The following KMT2A variants were observed in gnomAD, a reference collection of about 807,000 sequenced individuals.
KMT2A encodes the protein lysine methyltransferase 2A, also known as histone-lysine N-methyltransferase 2A.
A neutral mutation model predicts 345.3 loss-of-function variants in KMT2A; 16 were observed. That is an observed-to-expected ratio of 0.05 (90% CI 0.03 to 0.07). The LOEUF is 0.07. KMT2A is among the 10% of genes least tolerant of loss of function. The pLI is 1.00. For synonymous variants in KMT2A, 1,599 were observed against 1,778.6 expected (o/e 0.90, Z 2.54); for missense variants, 3,272 against 4,841.6 (o/e 0.68, Z 9.62).
At chr11:118,481,259 A>C (rs1950126306) in intron 6 of KMT2A, among the ~76,000 whole-genome samples, 1 of 151,920 alleles carries the variant, frequency 6.6e-6, no homozygotes, top group African/African-American at 2.4e-5. Flanking sequence ...TACCCTTCCC[A>C]GCCTCTCATA....
At position 118,506,179 on chromosome 11, in the gene KMT2A, C is replaced by G. The variant is rs2134411443; in HGVS notation, c.10287C>G (p.Ile3429Met). ...STAAITAASS[I>M]CVLPSTQTTG... is the part of the protein sequence containing the mutation. ...CTGCAATAACAGCGGCATCTAGCATCTGTGTGCTCCCCTCCACTCAGACTA... is the reference window on the plus strand; with the variant it reads ...CTGCAATAACAGCGGCATCTAGCATGTGTGTGCTCCCCTCCACTCAGACTA... Residue 3429 changes from isoleucine (I) to methionine (M), a missense_variant, in exon 27 of 36, where the codon ATC (isoleucine) becomes ATG (methionine). Ile to Met is a conservative substitution (Grantham distance 10, BLOSUM62 1). Transcript: ENST00000534358. 1.2e-6 allele frequency: 2 copies of G among 1,614,214 alleles called. No individual in the cohort carries two copies. Among genetic ancestry groups the G allele is most frequent in the Non-Finnish European group, 1.7e-6 (2 of 1,180,032 alleles).
At chr11:118,450,167 G>A (rs1169059818) in intron 1 of KMT2A, 4 of 151,556 alleles carry the variant, frequency 2.6e-5, no homozygotes, top group Non-Finnish European at 4.4e-5. Context: ...AACCAGTTCA[G>A]ACTTGGAACC....
At position 118,499,399 on chromosome 11, in the gene KMT2A, G is replaced by A. The variant is rs1167143563; in HGVS notation, c.6058G>A (p.Glu2020Lys). The stretch of plus-strand genomic sequence containing the variant: ...GAAGTTTCTCAATGGCTTGGAACCA[G>A]AAAATATCCACATGATGATTGGTAT... ...RRKFLNGLEP[E>K]NIHMMIGSMT... Residue 2020 changes from glutamate to lysine, a missense_variant, in exon 23 of 36, where the codon GAA becomes AAA. By Grantham distance (56) the Glu-to-Lys change is moderately conservative (BLOSUM62 1). Transcript: ENST00000534358. 1.3e-6 allele frequency: 2 copies of A among 1,597,440 alleles called. No homozygotes were observed. Among genetic ancestry groups the A allele is most frequent in the African/African-American group, 2.9e-5 (2 of 69,508 alleles).
rs1488110347 is a variant in KMT2A at position 118,520,681 on chromosome 11, G to A, written c.11430-121G>A. On this transcript the variant is annotated intron_variant, in intron 33 of 35. Transcript: ENST00000534358. This position sits in a 1 kb window ranked among gnomAD's most constrained non-coding sequence, Gnocchi z 4.3. ...AAAAAGGGGGGCGCTCATTTTATAA[G>A]GCACTCGTTCAGTTTGGCATTAAAC... 7 of 696,954 alleles carry A rather than the reference G, an allele frequency of 1.0e-5. No individual in the cohort carries two copies. Among genetic ancestry groups the A allele is most frequent in the Non-Finnish European group, 1.7e-5 (7 of 401,794 alleles). 43.2% of individuals were successfully genotyped at this position (696,954 alleles called of 1,614,324 possible).
chr11:118,501,175 A>G (rs1206571785), intron 25 of KMT2A, 28 bp downstream of exon 25: 1 of 1,606,726 alleles, frequency 6.2e-7, no homozygotes, highest in East Asian at 2.2e-5. Context: ...ATGGGACTTG[A>G]GGCTGGGCAC....
chr11:118,512,285 A>G, intron 31 of KMT2A: 3 of 492,294 alleles, frequency 6.1e-6, no homozygotes, highest in Non-Finnish European at 1.1e-5. Flanking sequence ...CCCCCTATTC[A>G]TTAGCAGTCA....
intron 1 of KMT2A, among the ~76,000 whole-genome samples, chr11:118,451,640 C>T (rs1304044547): frequency 1.3e-5 from 2 of 150,688 alleles, no homozygotes; most frequent in African/African-American, 2.4e-5. Context: ...CCACCCACCT[C>T]GGCCTCCCAA....
At position 118,522,736 on chromosome 11, in the gene KMT2A, G is replaced by C; in HGVS notation, c.*564G>C. 1 of 213,614 alleles carries C rather than the reference G, an allele frequency of 4.7e-6. No individual in the cohort carries two copies. The highest frequency in any genetic ancestry group is 9.5e-6 in the Non-Finnish European group (1 of 105,380). The allele number at this position is 213,614 out of a possible 1,614,324, so 13.2% of individuals were successfully genotyped here. On this transcript the variant is annotated 3_prime_UTR_variant, in exon 36 of 36. Coordinates refer to ENST00000534358, the MANE Select transcript of KMT2A (RefSeq NM_001197104.2). The surrounding 1 kb of genome is among the most constrained non-coding windows in gnomAD (Gnocchi z 5.4). ...GGGAGACAGGATTCCTAGCACCTCC[G>C]GTGTCAAAAGGCTGTCATGGGGTTG... is the stretch of plus-strand genomic sequence containing the variant.
Position 118,522,444 on chromosome 11 carries a change from T to A in KMT2A, c.*272T>A, listed in dbSNP as rs1950991640. Reference sequence around the variant, plus strand: ...TGTTAGAAAGTGGGAATGGGGTCCCTAGCAGACTTGCCTGGAAGGAGCCTA... The same window carrying A: ...TGTTAGAAAGTGGGAATGGGGTCCCAAGCAGACTTGCCTGGAAGGAGCCTA... On this transcript the variant is annotated 3_prime_UTR_variant, in exon 36 of 36. Transcript: ENST00000534358. The surrounding 1 kb of genome is among the most constrained non-coding windows in gnomAD (Gnocchi z 5.4). 2 of 427,920 alleles carry A rather than the reference T, an allele frequency of 4.7e-6. No individual in the cohort carries two copies. Among genetic ancestry groups the A allele is most frequent in the South Asian group, 6.5e-5 (2 of 30,632 alleles). The allele number at this position is 427,920 out of a possible 1,614,324, so 26.5% of individuals were successfully genotyped here. A position where few individuals can be genotyped will look rare whatever the true frequency, so the allele number is the denominator to read the frequency against.
At chr11:118,455,002 C>A (rs76661490) in intron 1 of KMT2A, among the ~76,000 whole-genome samples, 8 of 152,204 alleles carry the variant, frequency 5.3e-5, no homozygotes, top group Admixed American at 4.6e-4. Context: ...CTCCACCCCC[C>A]ACTCCTGTCA....
chr11:118,474,154 G>T lies in KMT2A; in HGVS notation c.2995G>T (p.Val999Phe). Residue 999 changes from valine (V) to phenylalanine (F), a missense_variant, in exon 3 of 36, where the codon GTT (valine) becomes TTT (phenylalanine). Physicochemically the swap from Val to Phe is conservative, Grantham distance 50 (BLOSUM62 -1). Transcript: ENST00000534358. ...CCTTTCCACTCCTTCATCTAGCACT[G>T]TTAAACATTCCACTTCCTCCATAGG... ...LCLSTPSSST[V>F]KHSTSSIGSM... is the part of the protein sequence containing the mutation. 1 of 1,614,178 alleles carries T rather than the reference G, an allele frequency of 6.2e-7. No homozygotes were observed. Among genetic ancestry groups the T allele is most frequent in the East Asian group, 2.2e-5 (1 of 44,884 alleles).
Position 118,498,621 on chromosome 11 carries a change from T to C in KMT2A, c.5961+93T>C. On this transcript the variant is annotated intron_variant, in intron 22 of 35. Coordinates refer to ENST00000534358, the MANE Select transcript of KMT2A (RefSeq NM_001197104.2). This position sits in a 1 kb window ranked among gnomAD's most constrained non-coding sequence, Gnocchi z 4.4. ...CAAAATTGACTGGAAGGTACAGAGA[T>C]TTCCCATATGCCCCCTGCACCCACA... 7.8e-7 allele frequency: 1 copy of C among 1,275,974 alleles called. No individual in the cohort carries two copies. The highest frequency in any genetic ancestry group is 1.1e-6 in the Non-Finnish European group (1 of 933,166). The allele number at this position is 1,275,974 out of a possible 1,614,324, so 79.0% of individuals were successfully genotyped here. A position where few individuals can be genotyped will look rare whatever the true frequency, so the allele number is the denominator to read the frequency against.
At position 118,472,841 on chromosome 11, in the gene KMT2A, C is replaced by T. The variant is rs1555036131; in HGVS notation, c.1682C>T (p.Pro561Leu). ...CCCCAGCAGCAGACCTCCTCGTCTC[C>T]ACCTCCACCTCTGCTGACTCCACCG... ...SAPQQQTSSSPPPPLLTPPPP... is the reference protein window; with the variant it reads ...SAPQQQTSSSLPPPLLTPPPP... Residue 561 changes from proline (P) to leucine (L), a missense_variant, in exon 3 of 36, where the codon CCA (proline) becomes CTA (leucine). Physicochemically the swap from Pro to Leu is moderately conservative, Grantham distance 98 (BLOSUM62 -3). This residue lies in a region of KMT2A where 180 missense variants were observed against 190.7 expected (regional missense o/e 0.94). Coordinates refer to ENST00000534358, the MANE Select transcript of KMT2A (RefSeq NM_001197104.2). 12 of 1,613,746 alleles carry T rather than the reference C, an allele frequency of 7.4e-6. No homozygotes were observed. The Admixed American group carries it at 2.0e-4, about 27-fold the overall frequency.
In KMT2A at chr11:118,496,546, CACTT is replaced by C. The variant is rs1555044019; in HGVS notation, c.5664+181_5664+184del. On this transcript the variant is annotated intron_variant, in intron 20 of 35. Coordinates refer to ENST00000534358, the MANE Select transcript of KMT2A (RefSeq NM_001197104.2). This position sits in a 1 kb window ranked among gnomAD's most constrained non-coding sequence, Gnocchi z 4.7. ...TATTAATTTGTAACTTATTTTTTGT[CACTT>C]AGTTCATGGCACTTGGAGTTTTTTA... 2.6e-5 allele frequency among the ~76,000 whole-genome samples: 4 copies of C among 152,004 alleles called. No individual in the cohort carries two copies. The highest frequency in any genetic ancestry group is 2.9e-5 in the Non-Finnish European group (2 of 68,006).
At chr11:118,511,664 G>A (rs1950690189) in intron 30 of KMT2A, among the ~76,000 whole-genome samples, 1 of 152,204 alleles carries the variant, frequency 6.6e-6, no homozygotes, top group Non-Finnish European at 1.5e-5. Flanking sequence ...CTTCCATCAA[G>A]GGATGTGAAT....
At position 118,496,749 on chromosome 11, in the gene KMT2A, G is replaced by A. The variant is rs1950415281; in HGVS notation, c.5664+382G>A. ...GATAGCAGAATCGTTAAGAGCCCGA[G>A]TTCTGCCGCCTGCCTGAATACATTT... On this transcript the variant is annotated intron_variant, in intron 20 of 35. Coordinates refer to ENST00000534358, the MANE Select transcript of KMT2A (RefSeq NM_001197104.2). The surrounding 1 kb of genome is among the most constrained non-coding windows in gnomAD (Gnocchi z 4.7). Among the ~76,000 whole-genome samples, 1 of 152,180 alleles carries A rather than the reference G, an allele frequency of 6.6e-6. No homozygotes were observed. The highest frequency in any genetic ancestry group is 2.1e-4 in the South Asian group (1 of 4,828).
rs1950036026 is a variant in KMT2A, at chr11:118,476,231, C to A, written c.3157-574C>A. Among the ~76,000 whole-genome samples, 2 of 152,194 alleles carry A rather than the reference C, an allele frequency of 1.3e-5. No individual in the cohort carries two copies. Among genetic ancestry groups the A allele is most frequent in the South Asian group, 4.1e-4 (2 of 4,822 alleles). ...TCATTTATAAGTTATTTCACCCCTA[C>A]TTCTCTGATGATCAAGGAAATATAA... On this transcript the variant is annotated intron_variant, in intron 3 of 35. Transcript: ENST00000534358. The surrounding 1 kb of genome is among the most constrained non-coding windows in gnomAD (Gnocchi z 4.1).
chr11:118,519,650 C>T lies in KMT2A; in HGVS notation c.11179C>T (p.His3727Tyr), dbSNP rs1950913891. 1 of 1,613,904 alleles carries T rather than the reference C, an allele frequency of 6.2e-7. No homozygotes were observed. Among genetic ancestry groups the T allele is most frequent in the Non-Finnish European group, 8.5e-7 (1 of 1,179,794 alleles). ...CGGTTTGAGGATGCTGGGGATTCTC[C>T]ATGATGCAGTTGTGTTCCTCATTGA... ...VNGLRMLGIL[H>Y]DAVVFLIEQL... is the part of the protein sequence containing the mutation. The change falls in exon 32 of 36, where the codon CAT becomes TAT. Residue 3727 changes from histidine to tyrosine, a missense_variant. Physicochemically the swap from His to Tyr is moderately conservative, Grantham distance 83. This residue lies in a region of KMT2A where 72 missense variants were observed against 135.6 expected (regional missense o/e 0.53). Transcript: ENST00000534358.
chr11:118,511,729 T>C (rs1319360309), intron 30 of KMT2A, among the ~76,000 whole-genome samples: 1 of 152,216 alleles, frequency 6.6e-6, no homozygotes, highest in African/African-American at 2.4e-5. Context: ...AGTGCTTCTG[T>C]GTCCTCCAAC....
Sources: allele counts gnomAD v4.1 joint callset (sites outside exome capture counted in the v4.1 genomes callset), GRCh38; gene constraint gnomAD v4.1.1; regional missense constraint gnomAD v4.1.1; non-coding constraint Gnocchi (gnomAD v3.1); transcripts MANE v1.5; gene names NCBI Gene and HGNC (gene_info 2026-07-23, HGNC 2026-07-21).